TESC: variants seen among roughly 807,000 people sequenced by gnomAD.
The protein encoded by TESC is calcineurin B homologous protein 3.
Under a neutral mutation model 31.0 loss-of-function variants are expected in TESC, and 19 were observed. That is an observed-to-expected ratio of 0.61 (90% CI 0.43 to 0.90). The LOEUF is 0.90. TESC is among the 40% of genes least tolerant of loss of function. The pLI, the probability that TESC is intolerant of heterozygous loss-of-function variation, is 0.00. For synonymous variants in TESC, 109 were observed against 114.8 expected (o/e 0.95, Z 0.32); for missense variants, 248 against 303.8 (o/e 0.82, Z 1.36).
intron 1 of TESC, among the ~76,000 whole-genome samples, chr12:117,094,710 C>T (rs764435088): frequency 1.3e-5 from 2 of 152,068 alleles, no homozygotes; most frequent in African/African-American, 4.8e-5. Flanking sequence ...AATGAGCATT[C>T]GTTTCATAAA....
chr12:117,093,510 T>G (rs897661567), intron 1 of TESC, among the ~76,000 whole-genome samples: 13 of 152,242 alleles, frequency 8.5e-5, no homozygotes, highest in Non-Finnish European at 1.6e-4. Flanking sequence ...CCCCCTGCCT[T>G]GGCCTCCCAA....
chr12:117,041,977 G>A lies in TESC; in HGVS notation c.537C>T (p.Tyr179=), dbSNP rs765292467. ...CMGQMEPDQV[Y]EGITFEDFLK... Reference sequence around the variant, plus strand: ...GGAAGTCCTCGAAGGTGATCCCCTCGTACACCTGATCAGGCTCCTGGGGAC... The same window carrying A: ...GGAAGTCCTCGAAGGTGATCCCCTCATACACCTGATCAGGCTCCTGGGGAC... The change falls in exon 7 of 8, where the codon TAC becomes TAT. Residue 179 remains tyrosine, a synonymous_variant. Coordinates refer to ENST00000335209, the MANE Select transcript of TESC (RefSeq NM_017899.4). The A allele has an allele frequency of 1.4e-5, 23 of 1,595,684 alleles. No individual in the cohort carries two copies. The highest frequency in any genetic ancestry group is 1.7e-5 in the Admixed American group (1 of 58,256).
At chr12:117,070,119 C>G (rs182417669) in intron 2 of TESC, among the ~76,000 whole-genome samples, 53 of 152,334 alleles carry the variant, frequency 3.5e-4, no homozygotes, top group Non-Finnish European at 6.5e-4. Context: ...CAGCACAGCC[C>G]AGGGCCTGTT....
At chr12:117,056,695 C>A in intron 3 of TESC, 111 bp downstream of exon 3, 2 of 1,212,674 alleles carry the variant, frequency 1.6e-6, no homozygotes, top group South Asian at 1.3e-5. Flanking sequence ...CCCAGCTTGG[C>A]CCCCTCTTCT....
chr12:117,042,792 G>A (rs545352768), intron 6 of TESC, among the ~76,000 whole-genome samples: 11 of 152,268 alleles, frequency 7.2e-5, no homozygotes, highest in Admixed American at 5.9e-4. Flanking sequence ...CCAGGTGCCC[G>A]TCAATAGAAG....
intron 6 of TESC, among the ~76,000 whole-genome samples, chr12:117,043,258 A>G (rs1041063658): frequency 2.7e-5 from 4 of 149,226 alleles, no homozygotes; most frequent in African/African-American, 9.9e-5. Flanking sequence ...TATGTAGGAA[A>G]AAAACCACCG....
chr12:117,052,056 C>A (rs758398171), intron 3 of TESC, among the ~76,000 whole-genome samples: 1 of 152,150 alleles, frequency 6.6e-6, no homozygotes, highest in Non-Finnish European at 1.5e-5. Flanking sequence ...ATTACAGGTG[C>A]GTGCCACCAC....
chr12:117,083,965 G>C (rs550231161), intron 1 of TESC: 3 of 152,016 alleles, frequency 2.0e-5, no homozygotes, highest in Admixed American at 1.3e-4. Flanking sequence ...GTGTTGACAC[G>C]CACCTGTAGT....
intron 2 of TESC, among the ~76,000 whole-genome samples, chr12:117,060,562 T>G (rs1030116802): frequency 6.6e-6 from 1 of 152,008 alleles, no homozygotes; most frequent in Admixed American, 6.6e-5. Context: ...CACGATCGGA[T>G]GACAATGACA....
chr12:117,050,456 T>C lies in TESC; in HGVS notation c.210-1298A>G, dbSNP rs112965207. On this transcript the variant is annotated intron_variant, in intron 3 of 7. Transcript: ENST00000335209. The stretch of plus-strand genomic sequence containing the variant: ...CAAAGTTTGCCAAGGATTGAAAGTT[T>C]TGTGGTAAGTTAGGGCAGGTTTGAG... 5.3e-3 allele frequency among the ~76,000 whole-genome samples: 807 copies of C among 152,308 alleles called. 4 individuals are homozygous for C. Among genetic ancestry groups the C allele is most frequent in the African/African-American group, 0.017 (701 of 41,566 alleles).
At chr12:117,097,157 G>A (rs768694035) in intron 1 of TESC, among the ~76,000 whole-genome samples, 3 of 152,178 alleles carry the variant, frequency 2.0e-5, no homozygotes, top group Admixed American at 1.3e-4. Context: ...AGTCCCTTTC[G>A]GAGGACTGGG....
intron 1 of TESC, among the ~76,000 whole-genome samples, chr12:117,093,090 GCTGGCTGGTCCACC>G (rs1955336824): frequency 6.6e-6 from 1 of 152,076 alleles, no homozygotes; most frequent in African/African-American, 2.4e-5. Context: ...ACAGTGTGGA[GCTGGCTGGTCCACC>G]CTGGCCCATC....
intron 4 of TESC, 68 bp from the exon 5 acceptor site, chr12:117,046,906 A>G (rs1954575538): frequency 6.7e-7 from 1 of 1,492,212 alleles, no homozygotes; most frequent in Non-Finnish European, 9.1e-7. Flanking sequence ...CCTGAAATGT[A>G]CACTAAACTA....
At chr12:117,061,058 C>T (rs763920561) in intron 2 of TESC, among the ~76,000 whole-genome samples, 43 of 152,180 alleles carry the variant, frequency 2.8e-4, no homozygotes, top group Non-Finnish European at 5.7e-4. Context: ...GGTCAAACGG[C>T]GTTGCCTCAC....
At position 117,046,730 on chromosome 12, in the gene TESC, G is replaced by C. The variant is rs1394227700; in HGVS notation, c.411+47C>G. The C allele has an allele frequency of 1.9e-6, 3 of 1,554,066 alleles. No homozygotes were observed. In the East Asian group the frequency reaches 7.3e-5, roughly 38 times the overall value. ...TCCATCAGGGTCGTGGGGGGCAGAGGGGGAAGGCACCAGGAGCCCCGGGCG... is the reference window on the plus strand; with the variant it reads ...TCCATCAGGGTCGTGGGGGGCAGAGCGGGAAGGCACCAGGAGCCCCGGGCG... On this transcript the variant is annotated intron_variant, in intron 5 of 7. Transcript: ENST00000335209.
intron 3 of TESC, among the ~76,000 whole-genome samples, chr12:117,049,903 G>GAA (rs66797686): frequency 3.7e-4 from 32 of 86,444 alleles, no homozygotes; most frequent in Non-Finnish European, 5.7e-4. Context: ...CCTGTCTCAA[G>GAA]AAAAAAAAAA....
intron 1 of TESC, among the ~76,000 whole-genome samples, chr12:117,087,477 C>A (rs1245045036): frequency 6.6e-6 from 1 of 152,144 alleles, no homozygotes; most frequent in Non-Finnish European, 1.5e-5. Context: ...AATGAATCCT[C>A]CAATTCTCAG....
intron 1 of TESC, among the ~76,000 whole-genome samples, chr12:117,085,765 T>G (rs1007422357): frequency 6.6e-6 from 1 of 152,110 alleles, no homozygotes; most frequent in African/African-American, 2.4e-5. Flanking sequence ...CTGCTATGCA[T>G]CCCACTCAGC....
chr12:117,066,094 C>A (rs1954874899), intron 2 of TESC, among the ~76,000 whole-genome samples: 1 of 152,022 alleles, frequency 6.6e-6, no homozygotes. Context: ...TGGTCTCAGC[C>A]CAGATGTGGC....
Sources: allele counts gnomAD v4.1 joint callset (sites outside exome capture counted in the v4.1 genomes callset), GRCh38; gene constraint gnomAD v4.1.1; transcripts MANE v1.5; gene names NCBI Gene and HGNC (gene_info 2026-07-23, HGNC 2026-07-21).